The following TTN variants were observed in gnomAD, a reference collection of about 807,000 sequenced individuals.
The protein encoded by TTN is connectin.
Under a neutral mutation model 3,223.0 loss-of-function variants are expected in TTN, and 1,525 were observed. The observed-to-expected ratio is 0.47, with a 90% CI of 0.45 to 0.49. The LOEUF is 0.49. TTN is among the 20% of genes least tolerant of loss of function. The probability of loss-of-function intolerance (pLI) is 0.00; values close to 1 mark genes in which losing one functional copy is unlikely to be tolerated. For missense variants in TTN, 40,786 were observed against 43,424.0 expected, an observed-to-expected ratio of 0.94 and a Z score of 5.40; for synonymous variants, 14,094 against 15,161.0, an observed-to-expected ratio of 0.93 and a Z score of 5.17.
Position 178,573,940 on chromosome 2 carries a change from G to T in TTN, c.72192C>A (p.Ser24064Arg). 6.2e-7 allele frequency: 1 copy of T among 1,613,248 alleles called. No homozygotes were observed. Among genetic ancestry groups the T allele is most frequent in the Non-Finnish European group, 8.5e-7 (1 of 1,179,532 alleles). ...TGCCTTCCAGCTCTTTTCCATCTTT[G>T]CTCCATTCCATTGTTGGAGGTGGGC... Reference protein sequence around the residue: ...SGRPPPTMEWSKDGKELEGTA... With the variant: ...SGRPPPTMEWRKDGKELEGTA... The change falls in exon 326 of 363, where the codon AGC (serine) becomes AGA (arginine). Residue 24064 changes from serine to arginine, a missense_variant. Coordinates refer to ENST00000589042, the MANE Select transcript of TTN (RefSeq NM_001267550.2).
chr2:178,719,567 G>T lies in TTN; in HGVS notation c.23925C>A (p.Ser7975=), dbSNP rs374879942. 2.5e-6 allele frequency: 4 copies of T among 1,607,128 alleles called. No individual in the cohort carries two copies. The East Asian group carries it at 8.9e-5, about 36-fold the overall frequency. ...NSVGKSNCTV[S]VHVSDRIVPP... ...CATTCTACTCACCAGAAACATGGAC[G>T]GATACAGTGCAGTTACTTTTGCCAA... The change falls in exon 82 of 363, where the codon TCC becomes TCA. Residue 7975 remains serine, a synonymous_variant. Coordinates refer to ENST00000589042, the MANE Select transcript of TTN (RefSeq NM_001267550.2).
In TTN at chr2:178,773,475, A is replaced by G; in HGVS notation, c.7581T>C (p.Asn2527=). Residue 2527 remains asparagine, a synonymous_variant, in exon 32 of 363, where the codon AAT becomes AAC. Transcript: ENST00000589042. Reference sequence around the variant, plus strand: ...AATAATCCTTACTTTCTACAGAGAGATTACAGTTGGTTTCAACTCTGCCAA... The same window carrying G: ...AATAATCCTTACTTTCTACAGAGAGGTTACAGTTGGTTTCAACTCTGCCAA... The part of the protein sequence containing the change: ...LIVGRVETNC[N]LSVEKIKIIR... 1 of 1,614,048 alleles carries G rather than the reference A, an allele frequency of 6.2e-7. No individual in the cohort carries two copies. The highest frequency in any genetic ancestry group is 1.1e-5 in the South Asian group (1 of 91,080).
intron 350 of TTN, 120 bp downstream of exon 350, chr2:178,541,161 TG>T: frequency 1.1e-6 from 1 of 949,506 alleles, no homozygotes; most frequent in Non-Finnish European, 1.4e-6. Context: ...ATTTTGATTG[TG>T]GTGGTGATTA....
chr2:178,714,815 TC>T (rs1166107911), intron 90 of TTN, among the ~76,000 whole-genome samples, 170 bp downstream of exon 90: 1 of 152,110 alleles, frequency 6.6e-6, no homozygotes, highest in East Asian at 1.9e-4. Context: ...AAAAGGATAT[TC>T]AGTAGGATTT....
In TTN at chr2:178,739,535, T is replaced by G. The variant is rs771809336; in HGVS notation, c.13698A>C (p.Gln4566His). The G allele has an allele frequency of 1.9e-6, 3 of 1,613,874 alleles. No homozygotes were observed. Among genetic ancestry groups the G allele is most frequent in the Non-Finnish European group, 2.5e-6 (3 of 1,179,830 alleles). ...CCTCTGATGGTTTCAGACTCTCATCTTGTTTTTCGTCAGAGACAACAGCTG... is the reference window on the plus strand; with the variant it reads ...CCTCTGATGGTTTCAGACTCTCATCGTGTTTTTCGTCAGAGACAACAGCTG... ...VASAVVSDEK[Q>H]DESLKPSEEK... Residue 4566 changes from glutamine to histidine, a missense_variant, in exon 48 of 363, where the codon CAA becomes CAC. Transcript: ENST00000589042.
rs1251654111 is a variant in TTN at position 178,580,920 on chromosome 2, CT to C, written c.66770-312del. ...AAGTAGACGATTGATTTTTGGCTCCCTTTCATTCTTGTTTTTTCCTTTCTAT... is the reference window on the plus strand; with the variant it reads ...AAGTAGACGATTGATTTTTGGCTCCCTTCATTCTTGTTTTTTCCTTTCTAT... On this transcript the variant is annotated intron_variant, in intron 316 of 362. Coordinates refer to ENST00000589042, the MANE Select transcript of TTN (RefSeq NM_001267550.2). 1.1e-5 allele frequency: 3 copies of C among 263,138 alleles called. No homozygotes were observed. In the Admixed American group the frequency reaches 1.6e-4, roughly 14 times the overall value. 16.3% of individuals were successfully genotyped at this position (263,138 alleles called of 1,614,324 possible).
rs759550797 is a variant in TTN at position 178,532,757 on chromosome 2, G to A, written c.103858C>T (p.Arg34620Cys). 1.9e-6 allele frequency: 3 copies of A among 1,613,894 alleles called. No individual in the cohort carries two copies. The highest frequency in any genetic ancestry group is 1.1e-5 in the South Asian group (1 of 91,076). The change falls in exon 358 of 363, where the codon CGT becomes TGT. Residue 34620 changes from arginine (R) to cysteine (C), a missense_variant. By Grantham distance (180) the Arg-to-Cys change is radical. Transcript: ENST00000589042. The stretch of plus-strand genomic sequence containing the variant: ...TCATCTTGGGACAGTTTAGGAATAC[G>A]CCATTTAGGTCTGTATTGATCTGTA... ...RITDQYRPKW[R>C]IPKLSQDDLE...
rs1287032649 is a variant in TTN at position 178,727,280 on chromosome 2, T to G, written c.20085A>C (p.Pro6695=). 2.5e-6 allele frequency: 4 copies of G among 1,613,066 alleles called. No individual in the cohort carries two copies. Among genetic ancestry groups the G allele is most frequent in the Non-Finnish European group, 3.4e-6 (4 of 1,179,420 alleles). Residue 6695 remains proline (P), a synonymous_variant, in exon 69 of 363, where the codon CCA becomes CCC. Transcript: ENST00000589042. ...TTCGGAACCACACAACTCTGATTTC[T>G]GGGGATCCAGCTATCTTGCATTCAA... The part of the protein sequence containing the change: ...SRLECKIAGS[P]EIRVVWFRNE...
intron 223 of TTN, among the ~76,000 whole-genome samples, chr2:178,639,320 G>T (rs2060922820): frequency 6.6e-6 from 1 of 151,948 alleles, no homozygotes; most frequent in African/African-American, 2.4e-5. Flanking sequence ...TTAAAAAAGA[G>T]AAATTGTTCC....
chr2:178,688,700 C>T lies in TTN; in HGVS notation c.32174G>A (p.Arg10725Lys), dbSNP rs760644344. 1 of 1,613,744 alleles carries T rather than the reference C, an allele frequency of 6.2e-7. No individual in the cohort carries two copies. The highest frequency in any genetic ancestry group is 8.5e-7 in the Non-Finnish European group (1 of 1,179,626). Residue 10725 changes from arginine to lysine, a missense_variant, in exon 126 of 363, where the codon AGA (arginine) becomes AAA (lysine). Arg to Lys is a conservative substitution (Grantham distance 26). Transcript: ENST00000589042. Reference sequence around the variant, plus strand: ...ACCTTCGTGCCGCGTGACTTCCACTCTTTGAGGAACTGCGAAGGATAGTTT... The same window carrying T: ...ACCTTCGTGCCGCGTGACTTCCACTTTTTGAGGAACTGCGAAGGATAGTTT... ...EEKLSFAVPQ[R>K]VEVTRHEVSA...
Position 178,545,316 on chromosome 2 carries a change from TTG to T in TTN, c.95722+70_95722+71del, listed in dbSNP as rs1696557210. 8 of 1,387,154 alleles carry T rather than the reference TTG, an allele frequency of 5.8e-6. No individual in the cohort carries two copies. In the South Asian group the frequency reaches 7.0e-5, roughly 12 times the overall value. 85.9% of individuals were successfully genotyped at this position (1,387,154 alleles called of 1,614,324 possible). A position where few individuals can be genotyped will look rare whatever the true frequency, so the allele number is the denominator to read the frequency against. ...CATAAATTCTAAAAATTCTTAGAGATTGTGTGTTGGAAAATTATCTGTCATAT... is the reference window on the plus strand; with the variant it reads ...CATAAATTCTAAAAATTCTTAGAGATTGTGTTGGAAAATTATCTGTCATAT... On this transcript the variant is annotated intron_variant, in intron 344 of 362. Transcript: ENST00000589042.
In TTN at chr2:178,614,312, T is replaced by A; in HGVS notation, c.49085A>T (p.Asp16362Val). Residue 16362 changes from aspartate (D) to valine (V), a missense_variant, in exon 262 of 363, where the codon GAT becomes GTT. Coordinates refer to ENST00000589042, the MANE Select transcript of TTN (RefSeq NM_001267550.2). Reference sequence around the variant, plus strand: ...TAGAAGACATGACTCATTGGTTACATCTGTGATGTCAAAGGCAGCTGGTGG... The same window carrying A: ...TAGAAGACATGACTCATTGGTTACAACTGTGATGTCAAAGGCAGCTGGTGG... The part of the protein sequence containing the change: ...PGPPAAFDIT[D>V]VTNESCLLTW... 6.2e-7 allele frequency: 1 copy of A among 1,612,752 alleles called. No individual in the cohort carries two copies. Among genetic ancestry groups the A allele is most frequent in the Non-Finnish European group, 8.5e-7 (1 of 1,179,248 alleles).
chr2:178,646,775 A>T (rs1161441571), intron 215 of TTN, among the ~76,000 whole-genome samples: 1 of 152,072 alleles, frequency 6.6e-6, no homozygotes, highest in Admixed American at 6.6e-5. Context: ...GGCAAATGAG[A>T]TGACTTTTAA....
rs876658105 is a variant in TTN at position 178,747,785 on chromosome 2, G to C, written c.11311+5339C>G. 1 of 1,612,160 alleles carries C rather than the reference G, an allele frequency of 6.2e-7. No individual in the cohort carries two copies. Among genetic ancestry groups the C allele is most frequent in the Non-Finnish European group, 8.5e-7 (1 of 1,179,442 alleles). On this transcript the variant is annotated intron_variant, in intron 47 of 362. Transcript: ENST00000589042. ...TTCTATCATTTCTCCTTCTAAAGTG[G>C]AGAAAGAAGCTTCATTCTGAACTTG...
chr2:178,709,031 C>A (rs1459489037), intron 99 of TTN, among the ~76,000 whole-genome samples: 1 of 152,012 alleles, frequency 6.6e-6, no homozygotes, highest in Non-Finnish European at 1.5e-5. Context: ...TGTTTTCTAC[C>A]CATTATTTTT....
At chr2:178,555,276 TTCTA>T in intron 330 of TTN, 124 bp from the exon 331 acceptor site, 1 of 880,874 alleles carries the variant, frequency 1.1e-6, no homozygotes, top group Non-Finnish European at 1.7e-6. Context: ...ATCATTATAA[TTCTA>T]TGCAATTATT....
chr2:178,701,273 T>C, intron 110 of TTN, 70 bp from the exon 111 acceptor site: 1 of 1,399,498 alleles, frequency 7.1e-7, no homozygotes, highest in Non-Finnish European at 9.9e-7. Flanking sequence ...ATGAAAAGTC[T>C]CATGCATTTC....
rs886055286 is a variant in TTN, at chr2:178,689,585, T to C, written c.31857A>G (p.Val10619=). 1 of 1,602,624 alleles carries C rather than the reference T, an allele frequency of 6.2e-7. No homozygotes were observed. The highest frequency in any genetic ancestry group is 2.2e-5 in the East Asian group (1 of 44,834). ...KEAPPAKVPE[V]QKGVVTEEKI... ...TTTCTTCTGTCACAACTCCCTTCTGTACTTCAGGAACTTGAAGAGACATTT... is the reference window on the plus strand; with the variant it reads ...TTTCTTCTGTCACAACTCCCTTCTGCACTTCAGGAACTTGAAGAGACATTT... Residue 10619 remains valine, a synonymous_variant, in exon 123 of 363, where the codon GTA becomes GTG. Coordinates refer to ENST00000589042, the MANE Select transcript of TTN (RefSeq NM_001267550.2).
At position 178,562,033 on chromosome 2, in the gene TTN, A is replaced by G. The variant is rs762450131; in HGVS notation, c.84099T>C (p.Tyr28033=). The G allele has an allele frequency of 8.1e-6, 13 of 1,613,346 alleles. No homozygotes were observed. Among genetic ancestry groups the G allele is most frequent in the Admixed American group, 1.7e-5 (1 of 59,938 alleles). ...CAGCACTGTTTGAAACACATAATTCATAAGTTCCAACATCTTCCTTTGAAG... is the reference window on the plus strand; with the variant it reads ...CAGCACTGTTTGAAACACATAATTCGTAAGTTCCAACATCTTCCTTTGAAG... ...KEASKEDVGT[Y]ELCVSNSAGS... is the part of the protein sequence containing the mutation. The change falls in exon 326 of 363, where the codon TAT becomes TAC. Residue 28033 remains tyrosine (Y), a synonymous_variant. Coordinates refer to ENST00000589042, the MANE Select transcript of TTN (RefSeq NM_001267550.2).
Sources: gnomAD v4.1 joint callset for allele counts (sites outside exome capture counted in the v4.1 genomes callset) on GRCh38, gnomAD v4.1.1 for gene constraint, MANE v1.5 for transcripts, NCBI Gene and HGNC (gene_info 2026-07-23, HGNC 2026-07-21) for gene names.